SYCE1L: variants seen among roughly 807,000 people sequenced by gnomAD.
The protein encoded by SYCE1L is synaptonemal complex central element protein 1 like.
SYCE1L carries 51 observed loss-of-function variants against 39.6 expected under a neutral mutation model. That is an observed-to-expected ratio of 1.29 (90% CI 1.03 to 1.63). SYCE1L has a LOEUF of 1.63. Among genes scored for constraint, SYCE1L ranks in the 40% most tolerant of loss-of-function variants. SYCE1L has a pLI of 0.00. For synonymous variants in SYCE1L, 147 were observed against 122.4 expected (o/e 1.20, Z -1.33); for missense variants, 426 against 304.9 (o/e 1.40, Z -2.96).
intron 2 of SYCE1L, 78 bp from the exon 3 acceptor site, chr16:77,208,132 C>A: frequency 7.2e-7 from 1 of 1,383,818 alleles, no homozygotes; most frequent in Non-Finnish European, 9.9e-7. Context: ...TAGCAGCAGA[C>A]ACAGTGCTTC....
Position 77,212,654 on chromosome 16 carries a change from G to A in SYCE1L, c.654+8G>A. On this transcript the variant is annotated splice_region_variant and intron_variant, in intron 10 of 10. Coordinates refer to ENST00000378644, the MANE Select transcript of SYCE1L (RefSeq NM_001129979.3). Reference sequence around the variant, plus strand: ...GGGGCCGGCGAGGGAGAGGTAGGGAGCCCGAGGAAGGGAGGCGGGGCGGGC... The same window carrying A: ...GGGGCCGGCGAGGGAGAGGTAGGGAACCCGAGGAAGGGAGGCGGGGCGGGC... The A allele has an allele frequency of 6.5e-7, 1 of 1,532,214 alleles. No individual in the cohort carries two copies. Among genetic ancestry groups the A allele is most frequent in the Non-Finnish European group, 8.7e-7 (1 of 1,145,114 alleles). The allele number at this position is 1,532,214 out of a possible 1,614,324, so 94.9% of individuals were successfully genotyped here.
chr16:77,202,724 C>T (rs1006961299), intron 1 of SYCE1L, among the ~76,000 whole-genome samples: 4 of 152,100 alleles, frequency 2.6e-5, no homozygotes, highest in Non-Finnish European at 4.4e-5. Context: ...GTTGAGACTC[C>T]TAATGAAGTT....
intron 2 of SYCE1L, among the ~76,000 whole-genome samples, chr16:77,207,690 C>T (rs1228485896): frequency 1.3e-5 from 2 of 152,184 alleles, no homozygotes; most frequent in African/African-American, 4.8e-5. Flanking sequence ...TCACTTCCCA[C>T]TTCCCCCACC....
At chr16:77,210,996 C>A (rs369083916) in intron 6 of SYCE1L, among the ~76,000 whole-genome samples, 2 of 152,230 alleles carry the variant, frequency 1.3e-5, no homozygotes, top group African/African-American at 4.8e-5. Context: ...AAGCCTGGGG[C>A]CTGGCAGGCC....
At chr16:77,209,165 C>G in intron 5 of SYCE1L, 21 bp downstream of exon 5, 4 of 1,551,186 alleles carry the variant, frequency 2.6e-6, no homozygotes, top group Non-Finnish European at 3.5e-6. Context: ...GTTGCTGTGT[C>G]TTCCTTATTC....
rs540976985 is a variant in SYCE1L, at chr16:77,212,920, G to A, written c.718G>A (p.Asp240Asn). The A allele has an allele frequency of 9.8e-6, 15 of 1,530,378 alleles. No homozygotes were observed. The South Asian group carries it at 1.7e-4, about 17-fold the overall frequency. 94.8% of individuals were successfully genotyped at this position (1,530,378 alleles called of 1,614,324 possible). A position where few individuals can be genotyped will look rare whatever the true frequency, so the allele number is the denominator to read the frequency against. ...EDPEPPVAAP[D>N]AL ...TCCCGAGCCGCCGGTGGCTGCCCCT[G>A]ACGCCCTCTAGGCCAGCAGGACCCG... is the stretch of plus-strand genomic sequence containing the variant. Residue 240 changes from aspartate to asparagine, a missense_variant, in exon 11 of 11, where the codon GAC becomes AAC. Coordinates refer to ENST00000378644, the MANE Select transcript of SYCE1L (RefSeq NM_001129979.3).
intron 6 of SYCE1L, among the ~76,000 whole-genome samples, chr16:77,210,315 C>A (rs1267847663): frequency 6.6e-6 from 1 of 152,176 alleles, no homozygotes. Flanking sequence ...GCTGGGATTA[C>A]AGGCGTGAGC....
Position 77,206,785 on chromosome 16 carries a change from C to G in SYCE1L, c.121+285C>G, listed in dbSNP as rs569037885. 2.4e-4 allele frequency among the ~76,000 whole-genome samples: 37 copies of G among 152,042 alleles called. 1 individual carries two copies. In the South Asian group the frequency reaches 7.3e-3, roughly 30 times the overall value. ...GGCAAGCAGCTATTGTTTTTCAATT[C>G]TTAAGTATCTTTCCAGAGATTTTTA... is the stretch of plus-strand genomic sequence containing the variant. On this transcript the variant is annotated intron_variant, in intron 2 of 10. Transcript: ENST00000378644.
Position 77,205,367 on chromosome 16 carries a change from C to T in SYCE1L, c.62-1074C>T, listed in dbSNP as rs376465779. On this transcript the variant is annotated intron_variant, in intron 1 of 10. Transcript: ENST00000378644. ...AGGAATTTTTTTATGTTAATATTTTCCTGTGGTTTTTCTTCTTTGAATTTT... is the reference window on the plus strand; with the variant it reads ...AGGAATTTTTTTATGTTAATATTTTTCTGTGGTTTTTCTTCTTTGAATTTT... Among the ~76,000 whole-genome samples, 4 of 149,308 alleles carry T rather than the reference C, an allele frequency of 2.7e-5. No individual in the cohort carries two copies. In the East Asian group the frequency reaches 7.8e-4, roughly 29 times the overall value.
At chr16:77,205,893 A>T (rs947955620) in intron 1 of SYCE1L, among the ~76,000 whole-genome samples, 4 of 151,816 alleles carry the variant, frequency 2.6e-5, no homozygotes, top group Admixed American at 6.6e-5. Flanking sequence ...GCTGAAACAA[A>T]CTCTCTATAT....
chr16:77,212,533 C>CT, intron 9 of SYCE1L, 41 bp from the exon 10 acceptor site: 1 of 1,537,714 alleles, frequency 6.5e-7, no homozygotes, highest in Non-Finnish European at 8.7e-7. Context: ...CCCCTGGACT[C>CT]TCGCTCTCTT....
intron 1 of SYCE1L, among the ~76,000 whole-genome samples, chr16:77,203,707 G>A (rs1208664656): frequency 1.3e-5 from 2 of 148,256 alleles, no homozygotes. Flanking sequence ...TGATTCTCCT[G>A]CCTCAGCCTC....
Position 77,209,447 on chromosome 16 carries a change from A to C in SYCE1L, c.335A>C (p.Gln112Pro). 1 of 1,551,752 alleles carries C rather than the reference A, an allele frequency of 6.4e-7. No homozygotes were observed. ...EALRILQMHC[Q>P]EKESEAQRLD... ...CTGAGGATCCTCCAGATGCACTGCC[A>C]AGAGAAGGAAAGCGAGGCTCAGAGG... Residue 112 changes from glutamine to proline, a missense_variant, in exon 6 of 11, where the codon CAA becomes CCA. Physicochemically the swap from Gln to Pro is moderately conservative, Grantham distance 76 (BLOSUM62 -1). Transcript: ENST00000378644.
intron 6 of SYCE1L, among the ~76,000 whole-genome samples, chr16:77,210,832 C>G (rs146842647): frequency 3.3e-5 from 5 of 152,308 alleles, no homozygotes; most frequent in Admixed American, 6.5e-5. Flanking sequence ...AACTCCCACT[C>G]CTGCTGGAGT....
rs1277827947 is a variant in SYCE1L at position 77,199,524 on chromosome 16, A to G, written c.61+12A>G. The G allele has an allele frequency of 6.5e-7, 1 of 1,549,444 alleles. No homozygotes were observed. Among genetic ancestry groups the G allele is most frequent in the Non-Finnish European group, 8.7e-7 (1 of 1,145,120 alleles). On this transcript the variant is annotated intron_variant, in intron 1 of 10. Coordinates refer to ENST00000378644, the MANE Select transcript of SYCE1L (RefSeq NM_001129979.3). ...TGAGGAGGCTGAAGGTAGTGAGGGC[A>G]AGTGGGCTGCACTCCTTTCTCTCCA...
At chr16:77,211,810 C>G (rs2054824512) in intron 7 of SYCE1L, among the ~76,000 whole-genome samples, 1 of 152,132 alleles carries the variant, frequency 6.6e-6, no homozygotes, top group South Asian at 2.1e-4. Context: ...AGGGAAGAAG[C>G]CGTGCAGGTA....
intron 1 of SYCE1L, among the ~76,000 whole-genome samples, chr16:77,206,020 C>T (rs2142515230): frequency 6.6e-6 from 1 of 152,200 alleles, no homozygotes; most frequent in East Asian, 1.9e-4. Context: ...GTAACTATTA[C>T]CTAGATCTAT....
intron 2 of SYCE1L, 48 bp from the exon 3 acceptor site, chr16:77,208,162 C>A (rs1224871921): frequency 2.0e-6 from 3 of 1,529,798 alleles, no homozygotes; most frequent in South Asian, 2.4e-5. Flanking sequence ...CTTGGACAGC[C>A]AGACACCAGT....
intron 6 of SYCE1L, among the ~76,000 whole-genome samples, chr16:77,210,654 T>C (rs985252654): frequency 6.6e-6 from 1 of 152,152 alleles, no homozygotes. Context: ...CAGGATGTTA[T>C]AGAATCTGTG....
Sources: allele counts gnomAD v4.1 joint callset (sites outside exome capture counted in the v4.1 genomes callset), GRCh38; gene constraint gnomAD v4.1.1; transcripts MANE v1.5; gene names NCBI Gene and HGNC (gene_info 2026-07-23, HGNC 2026-07-21).